PLCL2: variants seen among roughly 807,000 people sequenced by gnomAD.
The protein encoded by PLCL2 is inactive phospholipase C-like protein 2.
In PLCL2, 4 loss-of-function variants were observed where a neutral mutation model predicts 79.6. The ratio of observed to expected loss-of-function variants is 0.05; its 90% CI spans 0.02 to 0.11. PLCL2 has a LOEUF of 0.11. Among genes scored for constraint, PLCL2 ranks in the 10% least tolerant of loss-of-function variants. The pLI is 1.00. For missense variants in PLCL2, 895 were observed against 1,291.0 expected, an observed-to-expected ratio of 0.69 and a Z score of 4.70; for synonymous variants, 484 against 457.7, an observed-to-expected ratio of 1.06 and a Z score of -0.73.
chr3:16,996,701 A>C (rs1171381292), intron 1 of PLCL2, among the ~76,000 whole-genome samples: 1 of 145,976 alleles, frequency 6.9e-6, no homozygotes, highest in East Asian at 2.0e-4. Flanking sequence ...TGCTGTTATC[A>C]AAAAAAAAAA....
intron 1 of PLCL2, among the ~76,000 whole-genome samples, chr3:16,980,010 C>A (rs1157922071): frequency 6.9e-6 from 1 of 145,086 alleles, no homozygotes; most frequent in Non-Finnish European, 1.5e-5. Context: ...GCTGGCCGGG[C>A]AGAGGGGCTC....
chr3:16,890,460 G>T (rs1179014533), intron 1 of PLCL2, among the ~76,000 whole-genome samples: 1 of 152,072 alleles, frequency 6.6e-6, no homozygotes, highest in Non-Finnish European at 1.5e-5. Flanking sequence ...AAGTTACCCA[G>T]GCTTCAATAT....
rs545898243 is a variant in PLCL2 at position 17,059,193 on chromosome 3, G to A, written c.3095-8763G>A. Among the ~76,000 whole-genome samples, 4 of 152,020 alleles carry A rather than the reference G, an allele frequency of 2.6e-5. No individual in the cohort carries two copies. In the South Asian group the frequency reaches 8.3e-4, roughly 32 times the overall value. ...ATACATTATGATACATCCTTATAAT[G>A]GAACATTATGCCACTGTATAAAGAA... On this transcript the variant is annotated intron_variant, in intron 4 of 5. Transcript: ENST00000615277.
chr3:17,082,148 T>TG (rs1311968638), intron 5 of PLCL2, among the ~76,000 whole-genome samples: 2 of 149,286 alleles, frequency 1.3e-5, no homozygotes, highest in South Asian at 2.2e-4. Context: ...AGTTTTTTTT[T>TG]TTTTTTTTTT....
rs190473729 is a variant in PLCL2 at position 17,034,798 on chromosome 3, G to A, written c.3019-8076G>A. 1.8e-4 allele frequency among the ~76,000 whole-genome samples: 27 copies of A among 152,162 alleles called. No homozygotes were observed. In the East Asian group the frequency reaches 4.3e-3, roughly 24 times the overall value. ...CATTGTACCTTGTTCACTGAAAGTC[G>A]CAGTTTCCAAGAAGCTGTCCATGTT... is the stretch of plus-strand genomic sequence containing the variant. On this transcript the variant is annotated intron_variant, in intron 3 of 5. Coordinates refer to ENST00000615277, the MANE Select transcript of PLCL2 (RefSeq NM_001144382.2).
chr3:16,963,965 G>A (rs914423985), intron 1 of PLCL2, among the ~76,000 whole-genome samples: 4 of 152,066 alleles, frequency 2.6e-5, no homozygotes, highest in Non-Finnish European at 2.9e-5. Context: ...GAGAGTGTTT[G>A]AAATAAAGAA....
At chr3:16,930,413 C>A (rs919905348) in intron 1 of PLCL2, among the ~76,000 whole-genome samples, 5 of 152,188 alleles carry the variant, frequency 3.3e-5, no homozygotes, top group African/African-American at 7.2e-5. Flanking sequence ...GTTTGAAAGT[C>A]TCCTAATTGT....
chr3:16,964,483 G>A (rs907565052), intron 1 of PLCL2, among the ~76,000 whole-genome samples: 9 of 152,216 alleles, frequency 5.9e-5, no homozygotes, highest in Non-Finnish European at 1.3e-4. Flanking sequence ...ATAAAAATAC[G>A]TGTGCATGTG....
intron 1 of PLCL2, among the ~76,000 whole-genome samples, chr3:16,985,572 G>T (rs2064041530): frequency 6.6e-6 from 1 of 152,094 alleles, no homozygotes; most frequent in African/African-American, 2.4e-5. Flanking sequence ...CTGTATCTCT[G>T]TCTATGCTTA....
intron 2 of PLCL2, among the ~76,000 whole-genome samples, chr3:17,014,046 T>C (rs952858884): frequency 2.0e-5 from 3 of 152,346 alleles, no homozygotes; most frequent in African/African-American, 7.2e-5. Flanking sequence ...TGGCATTTTA[T>C]AGTGTTGAAG....
At chr3:16,957,032 G>T (rs2063712289) in intron 1 of PLCL2, among the ~76,000 whole-genome samples, 2 of 151,978 alleles carry the variant, frequency 1.3e-5, no homozygotes, top group Admixed American at 1.3e-4. Context: ...ATTTCCTTCA[G>T]TTCTGCTCTG....
intron 3 of PLCL2, among the ~76,000 whole-genome samples, chr3:17,040,299 T>C (rs1395665555): frequency 6.6e-6 from 1 of 152,178 alleles, no homozygotes; most frequent in Admixed American, 6.5e-5. Context: ...ACTCTTGAGA[T>C]GGATGTGCAT....
chr3:17,083,098 G>A (rs2124956095), intron 5 of PLCL2, among the ~76,000 whole-genome samples: 1 of 152,192 alleles, frequency 6.6e-6, no homozygotes, highest in South Asian at 2.1e-4. Flanking sequence ...ACATTTAGTG[G>A]AAGAGACAGA....
Position 17,010,793 on chromosome 3 carries a change from G to T in PLCL2, c.1447G>T (p.Val483Leu), listed in dbSNP as rs756882331. 3 of 1,614,206 alleles carry T rather than the reference G, an allele frequency of 1.9e-6. No individual in the cohort carries two copies. In the South Asian group the frequency reaches 3.3e-5, roughly 18 times the overall value. ...ATGGGATGGGCCGGACAATGAACCT[G>T]TAATTTACACAGGCCACACCATGAC... ...DVWDGPDNEP[V>L]IYTGHTMTSQ... The change falls in exon 2 of 6, where the codon GTA becomes TTA. Residue 483 changes from valine (V) to leucine (L), a missense_variant. Physicochemically the swap from Val to Leu is conservative, Grantham distance 32. Transcript: ENST00000615277. This position sits in a 1 kb window ranked among gnomAD's most constrained non-coding sequence, Gnocchi z 5.8.
intron 3 of PLCL2, among the ~76,000 whole-genome samples, chr3:17,025,661 G>C (rs761075065): frequency 6.6e-6 from 1 of 152,104 alleles, no homozygotes; most frequent in Non-Finnish European, 1.5e-5. Flanking sequence ...GCTAATTTCT[G>C]ACCCTTTTTT....
intron 3 of PLCL2, among the ~76,000 whole-genome samples, chr3:17,037,774 A>G (rs1477172817): frequency 6.6e-6 from 1 of 152,210 alleles, no homozygotes; most frequent in Non-Finnish European, 1.5e-5. Context: ...ATGAAGGGCA[A>G]TTCAGTGAAT....
chr3:17,079,842 A>C (rs1219890873), intron 5 of PLCL2, among the ~76,000 whole-genome samples: 1 of 152,164 alleles, frequency 6.6e-6, no homozygotes. Flanking sequence ...ATATAGGCAA[A>C]AAGTGTGGCA....
intron 1 of PLCL2, among the ~76,000 whole-genome samples, chr3:16,975,057 G>A (rs2063910299): frequency 6.6e-6 from 1 of 152,134 alleles, no homozygotes; most frequent in Non-Finnish European, 1.5e-5. Flanking sequence ...CTTACTTCAG[G>A]TCTGGCCTTT....
chr3:17,042,700 A>T (rs1177039768), intron 3 of PLCL2, 174 bp from the exon 4 acceptor site: 8 of 573,712 alleles, frequency 1.4e-5, no homozygotes, highest in Non-Finnish European at 2.6e-5. Flanking sequence ...TTATGTGGGG[A>T]TGTGTGATGT....
Sources: allele counts gnomAD v4.1 joint callset (sites outside exome capture counted in the v4.1 genomes callset), GRCh38; gene constraint gnomAD v4.1.1; non-coding constraint Gnocchi (gnomAD v3.1); transcripts MANE v1.5; gene names NCBI Gene and HGNC (gene_info 2026-07-23, HGNC 2026-07-21).